The following LOXL2 variants were observed in gnomAD, a reference collection of about 807,000 sequenced individuals.
LOXL2 encodes lysyl oxidase like 2.
A neutral mutation model predicts 93.0 loss-of-function variants in LOXL2; 70 were observed. That is an observed-to-expected ratio of 0.75 (90% confidence interval 0.62 to 0.92). The LOEUF (loss-of-function observed/expected upper bound fraction) is 0.92. LOXL2 is among the 40% of genes least tolerant of loss of function. LOXL2 has a pLI of 0.00. For missense variants in LOXL2, 973 were observed against 1,054.9 expected (o/e 0.92, Z 1.08); for synonymous variants, 438 against 413.2 (o/e 1.06, Z -0.73).
chr8:23,339,288 C>T (rs1352779455), intron 4 of LOXL2, among the ~76,000 whole-genome samples: 1 of 152,216 alleles, frequency 6.6e-6, no homozygotes, highest in Non-Finnish European at 1.5e-5. Flanking sequence ...TTTCCAGCAG[C>T]TTCTGTTCTT....
At chr8:23,352,864 G>C (rs1188897003) in intron 3 of LOXL2, among the ~76,000 whole-genome samples, 4 of 151,916 alleles carry the variant, frequency 2.6e-5, no homozygotes, top group African/African-American at 9.7e-5. Context: ...TCACAAACGG[G>C]AAACTGAGGC....
chr8:23,330,834 C>T (rs895648161), intron 5 of LOXL2, among the ~76,000 whole-genome samples: 19 of 151,052 alleles, frequency 1.3e-4, no homozygotes, highest in African/African-American at 4.4e-4. Context: ...GACTGATTGT[C>T]GGAGGAGAGG....
intron 9 of LOXL2, among the ~76,000 whole-genome samples, chr8:23,315,097 C>T (rs960525045): frequency 1.3e-5 from 2 of 152,090 alleles, no homozygotes; most frequent in East Asian, 1.9e-4. Context: ...GGGAAGCCAC[C>T]GCAGGGCCAC....
intron 1 of LOXL2, among the ~76,000 whole-genome samples, chr8:23,394,542 C>G (rs950141835): frequency 1.6e-4 from 25 of 152,076 alleles, no homozygotes; most frequent in African/African-American, 5.8e-4. Context: ...ACACAAAGTA[C>G]CATGAGATAC....
intron 7 of LOXL2, among the ~76,000 whole-genome samples, chr8:23,320,557 C>T (rs4503107): frequency 0.73 from 110,276 of 152,076 alleles, 40,133 homozygotes; most frequent in Non-Finnish European, 0.76. Flanking sequence ...TCTGAACTTG[C>T]TGTCTTTTCT....
chr8:23,384,740 C>T (rs1284724299), intron 1 of LOXL2, among the ~76,000 whole-genome samples: 1 of 152,108 alleles, frequency 6.6e-6, no homozygotes, highest in Non-Finnish European at 1.5e-5. Flanking sequence ...GTGGTGAAAC[C>T]CCATTGCTAC....
intron 10 of LOXL2, among the ~76,000 whole-genome samples, chr8:23,303,833 T>C (rs886223347): frequency 1.3e-5 from 2 of 152,098 alleles, no homozygotes; most frequent in African/African-American, 4.8e-5. Context: ...TCTTTTGAAA[T>C]GGAATATGGT....
At chr8:23,395,066 C>T (rs1800071535) in intron 1 of LOXL2, among the ~76,000 whole-genome samples, 1 of 152,014 alleles carries the variant, frequency 6.6e-6, no homozygotes, top group Admixed American at 6.6e-5. Context: ...CCATCCTGGC[C>T]AACATGGTGA....
intron 9 of LOXL2, among the ~76,000 whole-genome samples, chr8:23,312,170 C>A (rs1803328808): frequency 6.6e-6 from 1 of 151,782 alleles, no homozygotes; most frequent in South Asian, 2.1e-4. Context: ...GCTTACCAAC[C>A]AAAAAGAGTC....
chr8:23,386,173 G>C, intron 1 of LOXL2: 1 of 637,834 alleles, frequency 1.6e-6, no homozygotes, highest in South Asian at 1.7e-5. Context: ...TTCACTAATT[G>C]TTGAGGTCAG....
At chr8:23,379,785 G>C (rs1490127228) in intron 1 of LOXL2, among the ~76,000 whole-genome samples, 1 of 152,180 alleles carries the variant, frequency 6.6e-6, no homozygotes, top group Admixed American at 6.5e-5. Flanking sequence ...AAGACCATTG[G>C]AAAAGTGCAG....
At chr8:23,331,843 C>G (rs1012752595) in intron 5 of LOXL2, 1 of 151,896 alleles carries the variant, frequency 6.6e-6, no homozygotes, top group Non-Finnish European at 1.5e-5. Flanking sequence ...CAAGACTAGC[C>G]TGGCCAACAT....
intron 1 of LOXL2, among the ~76,000 whole-genome samples, chr8:23,397,280 G>A (rs1231004712): frequency 6.6e-6 from 1 of 152,164 alleles, no homozygotes; most frequent in African/African-American, 2.4e-5. Context: ...GATGGCTGAT[G>A]GTGATGGTAG....
At chr8:23,307,573 G>A (rs1442908813) in intron 10 of LOXL2, among the ~76,000 whole-genome samples, 2 of 152,188 alleles carry the variant, frequency 1.3e-5, no homozygotes, top group Non-Finnish European at 2.9e-5. Context: ...GAGCGTAAGT[G>A]TATGGCACAG....
intron 10 of LOXL2, among the ~76,000 whole-genome samples, chr8:23,305,399 T>C (rs1803214023): frequency 6.6e-6 from 1 of 152,204 alleles, no homozygotes; most frequent in Non-Finnish European, 1.5e-5. Context: ...CAGTTTTCCC[T>C]GGCTTCTGTC....
At chr8:23,350,607 G>T (rs1032117689) in intron 3 of LOXL2, among the ~76,000 whole-genome samples, 1 of 152,122 alleles carries the variant, frequency 6.6e-6, no homozygotes, top group African/African-American at 2.4e-5. Context: ...TCTTTAGCCT[G>T]TGACTTCTTG....
chr8:23,304,322 A>G (rs1721527744), intron 10 of LOXL2, among the ~76,000 whole-genome samples: 1 of 152,238 alleles, frequency 6.6e-6, no homozygotes, highest in Non-Finnish European at 1.5e-5. Flanking sequence ...TTGTTTCAGA[A>G]TAAACAAGGG....
At chr8:23,303,420 T>G in intron 10 of LOXL2, 23 bp from the exon 11 acceptor site, 1 of 1,406,326 alleles carries the variant, frequency 7.1e-7, no homozygotes, top group Non-Finnish European at 1.0e-6. Flanking sequence ...AGAGATGGCC[T>G]GGAGGTCAGT....
At position 23,303,416 on chromosome 8, in the gene LOXL2, G is replaced by A. The variant is rs1803173542; in HGVS notation, c.1881-19C>T. The A allele has an allele frequency of 2.1e-6, 3 of 1,444,216 alleles. No homozygotes were observed. Among genetic ancestry groups the A allele is most frequent in the Non-Finnish European group, 1.9e-6 (2 of 1,026,570 alleles). 89.5% of individuals were successfully genotyped at this position (1,444,216 alleles called of 1,614,324 possible). A position where few individuals can be genotyped will look rare whatever the true frequency, so the allele number is the denominator to read the frequency against. On this transcript the variant is annotated intron_variant, in intron 10 of 13. Coordinates refer to ENST00000389131, the MANE Select transcript of LOXL2 (RefSeq NM_002318.3). ...GTAGTGCCTGGAGCGAGAGAGAGAT[G>A]GCCTGGAGGTCAGTTTCTGGAGCAA...
Sources: allele counts gnomAD v4.1 joint callset (sites outside exome capture counted in the v4.1 genomes callset), GRCh38; gene constraint gnomAD v4.1.1; transcripts MANE v1.5; gene names NCBI Gene and HGNC (gene_info 2026-07-23, HGNC 2026-07-21).